Variants in ZDHHC16 observed in about 807,000 individuals in gnomAD.
The protein encoded by ZDHHC16 is zDHHC palmitoyltransferase 16.
A neutral mutation model predicts 54.4 loss-of-function variants in ZDHHC16; 33 were observed. That is an observed-to-expected ratio of 0.61 (90% CI 0.46 to 0.81). The LOEUF is 0.81. Among genes scored for constraint, ZDHHC16 ranks in the 30% least tolerant of loss-of-function variants. The pLI is 0.00. For synonymous variants in ZDHHC16, 185 were observed against 182.1 expected (o/e 1.02, Z -0.13); for missense variants, 420 against 485.9 (o/e 0.86, Z 1.28).
chr10:97,448,977 T>A (rs1402176848), intron 1 of ZDHHC16, among the ~76,000 whole-genome samples: 1 of 152,192 alleles, frequency 6.6e-6, no homozygotes. Context: ...ATCTGTATAG[T>A]TACAGAATCA....
intron 1 of ZDHHC16, among the ~76,000 whole-genome samples, chr10:97,448,655 G>C (rs1373518394): frequency 6.6e-6 from 1 of 152,208 alleles, no homozygotes; most frequent in Non-Finnish European, 1.5e-5. Flanking sequence ...TACTTGGGAG[G>C]CTGAGGCAGG....
At position 97,456,848 on chromosome 10, in the gene ZDHHC16, C is replaced by A; in HGVS notation, c.1091C>A (p.Pro364His). 6.2e-7 allele frequency: 1 copy of A among 1,613,504 alleles called. No individual in the cohort carries two copies. Among genetic ancestry groups the A allele is most frequent in the East Asian group, 2.2e-5 (1 of 44,864 alleles). ...PHGNGMSWEP[P>H]PWVTAHSASV... ...GGGAATGGAATGAGCTGGGAGCCCC[C>A]TCCCTGGGTGACTGCTCACTCAGCC... The change falls in exon 12 of 12, where the codon CCT becomes CAT. Residue 364 changes from proline to histidine, a missense_variant. By Grantham distance (77) the Pro-to-His change is moderately conservative. Transcript: ENST00000393760.
chr10:97,451,515 A>G (rs1033209845), intron 2 of ZDHHC16, among the ~76,000 whole-genome samples, 156 bp from the exon 3 acceptor site: 7 of 152,222 alleles, frequency 4.6e-5, no homozygotes, highest in Non-Finnish European at 8.8e-5. Context: ...TCCGTAGAAA[A>G]GTGAAGTAAC....
chr10:97,452,675 T>A, intron 5 of ZDHHC16, 172 bp downstream of exon 5: 1 of 916,520 alleles, frequency 1.1e-6, no homozygotes, highest in Non-Finnish European at 1.7e-6. Flanking sequence ...AGTTAGGCAT[T>A]ATTACCACTT....
At chr10:97,448,563 C>G (rs565272021) in intron 1 of ZDHHC16, among the ~76,000 whole-genome samples, 10 of 152,286 alleles carry the variant, frequency 6.6e-5, no homozygotes, top group Admixed American at 5.9e-4. Flanking sequence ...TCAAGACCAG[C>G]CTGGCCAACA....
chr10:97,453,473 G>T, intron 6 of ZDHHC16, 57 bp from the exon 7 acceptor site: 1 of 1,593,130 alleles, frequency 6.3e-7, no homozygotes, highest in Non-Finnish European at 8.5e-7. Flanking sequence ...AACCTGAGGG[G>T]CCTGGACACC....
At position 97,452,553 on chromosome 10, in the gene ZDHHC16, G is replaced by C. The variant is rs749566505; in HGVS notation, c.527+50G>C. 52 of 1,581,994 alleles carry C rather than the reference G, an allele frequency of 3.3e-5. 1 individual carries two copies. In the South Asian group the frequency reaches 5.6e-4, roughly 17 times the overall value. ...GAATCCCAGCTGTGGTCCTTCTGTAGCCCTAGGGCAAAACCTAACCTTGAG... is the reference window on the plus strand; with the variant it reads ...GAATCCCAGCTGTGGTCCTTCTGTACCCCTAGGGCAAAACCTAACCTTGAG... On this transcript the variant is annotated intron_variant, in intron 5 of 11. Transcript: ENST00000393760.
Position 97,451,711 on chromosome 10 carries a change from C to T in ZDHHC16, c.36C>T (p.Ala12=). The T allele has an allele frequency of 6.2e-7, 1 of 1,612,696 alleles. No individual in the cohort carries two copies. Among genetic ancestry groups the T allele is most frequent in the South Asian group, 1.1e-5 (1 of 90,996 alleles). Reference sequence around the variant, plus strand: ...AGCGGAGCCTGCTGCTGGGCCCGGCCCGCCTCTGCCTCCGCCTCCTTCTGC... The same window carrying T: ...AGCGGAGCCTGCTGCTGGGCCCGGCTCGCCTCTGCCTCCGCCTCCTTCTGC... The part of the protein sequence containing the change: ...RGQRSLLLGP[A]RLCLRLLLLL... Residue 12 remains alanine, a synonymous_variant, in exon 3 of 12, where the codon GCC becomes GCT. Transcript: ENST00000393760.
chr10:97,456,882 G>T lies in ZDHHC16; in HGVS notation c.1125G>T (p.Met375Ile). 6.2e-7 allele frequency: 1 copy of T among 1,610,746 alleles called. No homozygotes were observed. Among genetic ancestry groups the T allele is most frequent in the Non-Finnish European group, 8.5e-7 (1 of 1,178,564 alleles). The change falls in exon 12 of 12, where the codon ATG becomes ATT. Residue 375 changes from methionine to isoleucine, a missense_variant. Coordinates refer to ENST00000393760, the MANE Select transcript of ZDHHC16 (RefSeq NM_198046.3). ...TGACTGCTCACTCAGCCTCTGTGAT[G>T]GCAGTGTGAGCTGGACTGTGTCAGC... ...PWVTAHSASV[M>I]AV
intron 8 of ZDHHC16, 86 bp from the exon 9 acceptor site, chr10:97,454,628 G>T: frequency 1.6e-6 from 2 of 1,232,116 alleles, no homozygotes; most frequent in Non-Finnish European, 2.4e-6. Flanking sequence ...GCCTGGATTT[G>T]GATCATTTCC....
chr10:97,447,515 G>C (rs1412191795), intron 1 of ZDHHC16, among the ~76,000 whole-genome samples: 1 of 152,228 alleles, frequency 6.6e-6, no homozygotes, highest in Non-Finnish European at 1.5e-5. Context: ...TCGGGCTTGT[G>C]CTTGGGGTGG....
Position 97,452,105 on chromosome 10 carries a change from G to T in ZDHHC16, c.259G>T (p.Val87Leu). 6.2e-7 allele frequency: 1 copy of T among 1,613,862 alleles called. No individual in the cohort carries two copies. The highest frequency in any genetic ancestry group is 8.5e-7 in the Non-Finnish European group (1 of 1,180,034). Reference protein sequence around the residue: ...RWFGVVFVVLVIVLTGSIVAI... With the variant: ...RWFGVVFVVLLIVLTGSIVAI... ...GTGTTGGCAGGTGTTCGTGGTCCTG[G>T]TGATCGTGCTGACAGGCTCCATTGT... Residue 87 changes from valine (V) to leucine (L), a missense_variant, in exon 4 of 12, where the codon GTG (valine) becomes TTG (leucine). Transcript: ENST00000393760.
chr10:97,452,246 T>C lies in ZDHHC16; in HGVS notation c.400T>C (p.Tyr134His). ...WNLILIVFHY[Y>H]QAITTPPGYP... ...TCTGATCCTGATTGTCTTCCACTAC[T>C]ACCAGGCCATCACCACTCCGCCTGG... is the stretch of plus-strand genomic sequence containing the variant. Residue 134 changes from tyrosine (Y) to histidine (H), a missense_variant, in exon 4 of 12, where the codon TAC becomes CAC. Tyr to His is a moderately conservative substitution (Grantham distance 83). Coordinates refer to ENST00000393760, the MANE Select transcript of ZDHHC16 (RefSeq NM_198046.3). The C allele has an allele frequency of 6.2e-7, 1 of 1,614,136 alleles. No homozygotes were observed. The highest frequency in any genetic ancestry group is 8.5e-7 in the Non-Finnish European group (1 of 1,180,030).
In ZDHHC16 at chr10:97,456,886, G is replaced by C. The variant is rs1447573214; in HGVS notation, c.1129G>C (p.Val377Leu). ...VTAHSASVMA[V>L] ...TGCTCACTCAGCCTCTGTGATGGCA[G>C]TGTGAGCTGGACTGTGTCAGCCACG... Residue 377 changes from valine to leucine, a missense_variant, in exon 12 of 12, where the codon GTG becomes CTG. Transcript: ENST00000393760. 6.2e-7 allele frequency: 1 copy of C among 1,609,834 alleles called. No individual in the cohort carries two copies. Among genetic ancestry groups the C allele is most frequent in the Non-Finnish European group, 8.5e-7 (1 of 1,178,126 alleles).
intron 9 of ZDHHC16, among the ~76,000 whole-genome samples, chr10:97,455,075 G>A (rs1847039366): frequency 6.6e-6 from 1 of 152,208 alleles, no homozygotes; most frequent in Non-Finnish European, 1.5e-5. Flanking sequence ...TCTAAAGGCT[G>A]GGTGACTGTA....
At position 97,453,611 on chromosome 10, in the gene ZDHHC16, A is replaced by G. The variant is rs1846864838; in HGVS notation, c.638A>G (p.Tyr213Cys). ...FCFFMTLGCVYCSYGSWDLFR... is the reference protein window; with the variant it reads ...FCFFMTLGCVCCSYGSWDLFR... ...TTTTTCATGACTCTGGGCTGTGTCT[A>G]CTGCAGCTATGGAAGTTGGGACCTT... Residue 213 changes from tyrosine (Y) to cysteine (C), a missense_variant, in exon 7 of 12, where the codon TAC becomes TGC. Transcript: ENST00000393760. 1.2e-6 allele frequency: 2 copies of G among 1,614,152 alleles called. No individual in the cohort carries two copies. Among genetic ancestry groups the G allele is most frequent in the Non-Finnish European group, 1.7e-6 (2 of 1,180,034 alleles).
intron 2 of ZDHHC16, chr10:97,451,083 T>C (rs1846563706): frequency 6.6e-6 from 1 of 152,258 alleles, no homozygotes; most frequent in Non-Finnish European, 1.5e-5. Context: ...GGAAGAAGAG[T>C]ATCTTTTGCC....
intron 6 of ZDHHC16, 99 bp from the exon 7 acceptor site, chr10:97,453,431 G>A (rs1846839023): frequency 1.3e-6 from 2 of 1,506,570 alleles, no homozygotes; most frequent in Non-Finnish European, 1.8e-6. Flanking sequence ...GGAAGCCTGA[G>A]GCTTGGGTGA....
rs768571409 is a variant in ZDHHC16, at chr10:97,451,666, C to T, written c.-5-5C>T. 4.5e-5 allele frequency: 72 copies of T among 1,604,748 alleles called. 1 individual carries two copies. The Middle Eastern group carries it at 6.7e-4, about 15-fold the overall frequency. ...CTAGATCCTCACAATGGTGTGCTCT[C>T]GTAGGAACCATGCGAGGCCAGCGGA... On this transcript the variant is annotated splice_polypyrimidine_tract_variant and splice_region_variant and intron_variant, in intron 2 of 11. Coordinates refer to ENST00000393760, the MANE Select transcript of ZDHHC16 (RefSeq NM_198046.3).
Sources: gnomAD v4.1 joint callset for allele counts (sites outside exome capture counted in the v4.1 genomes callset) on GRCh38, gnomAD v4.1.1 for gene constraint, MANE v1.5 for transcripts, NCBI Gene and HGNC (gene_info 2026-07-23, HGNC 2026-07-21) for gene names.